The following XXYLT1 variants were observed in gnomAD, a reference collection of about 807,000 sequenced individuals.
XXYLT1 encodes xyloside xylosyltransferase 1, also known as UDP-xylose:alpha-xyloside alpha-1,3-xylosyltransferase.
In XXYLT1, 20 loss-of-function variants were observed where a neutral mutation model predicts 28.9. The observed-to-expected ratio is 0.69, with a 90% CI of 0.49 to 1.00. The LOEUF (loss-of-function observed/expected upper bound fraction) is 1.00. Among genes scored for constraint, XXYLT1 ranks in the 50% least tolerant of loss-of-function variants. The pLI is 0.00. For synonymous variants in XXYLT1, 257 were observed against 253.8 expected (o/e 1.01, Z -0.12); for missense variants, 542 against 560.1 (o/e 0.97, Z 0.33).
At chr3:195,244,761 CAAAAAAAAAAAA>C (rs869207427) in intron 1 of XXYLT1, among the ~76,000 whole-genome samples, 4 of 26,532 alleles carry the variant, frequency 1.5e-4, no homozygotes, top group South Asian at 1.5e-3. Flanking sequence ...GACTCTGTCT[CAAAAAAAAAAAA>C]AAAAAAAAAA....
intron 3 of XXYLT1, among the ~76,000 whole-genome samples, chr3:195,135,038 A>G (rs1413040115): frequency 2.6e-5 from 4 of 152,190 alleles, no homozygotes; most frequent in Non-Finnish European, 5.9e-5. Context: ...GGCAATGGGT[A>G]GAAACCACAG....
intron 1 of XXYLT1, among the ~76,000 whole-genome samples, chr3:195,238,176 G>C (rs539753347): frequency 6.6e-6 from 1 of 152,290 alleles, no homozygotes; most frequent in East Asian, 1.9e-4. Context: ...TGACTGGGCA[G>C]CACTGAACCA....
At chr3:195,117,093 A>G (rs2108607012) in intron 3 of XXYLT1, among the ~76,000 whole-genome samples, 1 of 136,350 alleles carries the variant, frequency 7.3e-6, no homozygotes, top group African/African-American at 2.8e-5. Context: ...ATCTGGAAAC[A>G]TCCTATATAT....
Position 195,133,348 on chromosome 3 carries a change from G to A in XXYLT1, c.785+23101C>T, listed in dbSNP as rs1046686810. Among the ~76,000 whole-genome samples the A allele has an allele frequency of 6.6e-6, 1 of 152,190 alleles. No homozygotes were observed. Among genetic ancestry groups the A allele is most frequent in the African/African-American group, 2.4e-5 (1 of 41,434 alleles). On this transcript the variant is annotated intron_variant, in intron 3 of 3. Coordinates refer to ENST00000310380, the MANE Select transcript of XXYLT1 (RefSeq NM_152531.5). The surrounding 1 kb of genome is among the most constrained non-coding windows in gnomAD (Gnocchi z 4.4). ...TGAGCCAGCCCTTGGGGTGGGGAGTGGGAGAGGGGGAAGAAGGGTGGGAAC... is the reference window on the plus strand; with the variant it reads ...TGAGCCAGCCCTTGGGGTGGGGAGTAGGAGAGGGGGAAGAAGGGTGGGAAC...
chr3:195,100,598 C>A (rs570757983), intron 3 of XXYLT1, among the ~76,000 whole-genome samples: 7 of 152,086 alleles, frequency 4.6e-5, no homozygotes, highest in Non-Finnish European at 5.9e-5. Context: ...GCACTCTCCC[C>A]GGCACTCTCC....
intron 2 of XXYLT1, among the ~76,000 whole-genome samples, chr3:195,198,155 T>C (rs1722707468): frequency 6.6e-6 from 1 of 152,142 alleles, no homozygotes; most frequent in African/African-American, 2.4e-5. Flanking sequence ...GTTATAAAAA[T>C]TAAGGTGCAT....
Position 195,069,997 on chromosome 3 carries a change from C to T in XXYLT1, c.900G>A (p.Met300Ile), listed in dbSNP as rs1385943103. The T allele has an allele frequency of 1.9e-6, 3 of 1,607,430 alleles. No individual in the cohort carries two copies. Among genetic ancestry groups the T allele is most frequent in the Non-Finnish European group, 2.5e-6 (3 of 1,179,812 alleles). The change falls in exon 4 of 4, where the codon ATG becomes ATA. Residue 300 changes from methionine to isoleucine, a missense_variant. Met to Ile is a conservative substitution (Grantham distance 10). Coordinates refer to ENST00000310380, the MANE Select transcript of XXYLT1 (RefSeq NM_152531.5). ...SGVMLLNLEAMRQSPLYSRLL... is the reference protein window; with the variant it reads ...SGVMLLNLEAIRQSPLYSRLL... Reference sequence around the variant, plus strand: ...GGCGGCTGTAGAGCGGGGACTGGCGCATGGCCTCCAGGTTCAGCAACATCA... The same window carrying T: ...GGCGGCTGTAGAGCGGGGACTGGCGTATGGCCTCCAGGTTCAGCAACATCA...
chr3:195,124,782 C>T lies in XXYLT1; in HGVS notation c.785+31667G>A, dbSNP rs1428444492. On this transcript the variant is annotated intron_variant, in intron 3 of 3. Coordinates refer to ENST00000310380, the MANE Select transcript of XXYLT1 (RefSeq NM_152531.5). This position sits in a 1 kb window ranked among gnomAD's most constrained non-coding sequence, Gnocchi z 4.1. ...ACACAGTCAGCCAGGTTCCAGGGAC[C>T]ACAACTCCCACTAGAGCCAAGCAGC... Among the ~76,000 whole-genome samples the T allele has an allele frequency of 6.6e-6, 1 of 152,138 alleles. No individual in the cohort carries two copies. Among genetic ancestry groups the T allele is most frequent in the African/African-American group, 2.4e-5 (1 of 41,424 alleles).
chr3:195,195,102 A>C lies in XXYLT1; in HGVS notation c.652+31607T>G, dbSNP rs895967078. On this transcript the variant is annotated intron_variant, in intron 2 of 3. Coordinates refer to ENST00000310380, the MANE Select transcript of XXYLT1 (RefSeq NM_152531.5). The surrounding 1 kb of genome is among the most constrained non-coding windows in gnomAD (Gnocchi z 4.4). ...GGTTTTTTTTTTAAAAGGACAATGT[A>C]CATAAAAATTCTCTTTAAACCATAA... Among the ~76,000 whole-genome samples the C allele has an allele frequency of 3.3e-5, 5 of 152,078 alleles. No homozygotes were observed. Among genetic ancestry groups the C allele is most frequent in the African/African-American group, 1.2e-4 (5 of 41,338 alleles).
intron 3 of XXYLT1, among the ~76,000 whole-genome samples, chr3:195,097,225 G>C (rs1716497219): frequency 3.9e-5 from 6 of 152,246 alleles, no homozygotes. Context: ...TGCTGAGTTG[G>C]TTTTGACATA....
intron 3 of XXYLT1, among the ~76,000 whole-genome samples, chr3:195,112,454 G>T (rs190343757): frequency 6.8e-6 from 1 of 146,706 alleles, no homozygotes; most frequent in Non-Finnish European, 1.5e-5. Flanking sequence ...ACACCCACAC[G>T]CATGTGCACA....
chr3:195,222,668 C>T lies in XXYLT1; in HGVS notation c.652+4041G>A, dbSNP rs1393937550. 2.6e-5 allele frequency among the ~76,000 whole-genome samples: 4 copies of T among 151,930 alleles called. No homozygotes were observed. In the East Asian group the frequency reaches 5.8e-4, roughly 22 times the overall value. ...GAGAACAGGGAAATGAGAAAGTGAACGGAGGTTCATCTACTCAATAAAACC... is the reference window on the plus strand; with the variant it reads ...GAGAACAGGGAAATGAGAAAGTGAATGGAGGTTCATCTACTCAATAAAACC... On this transcript the variant is annotated intron_variant, in intron 2 of 3. Transcript: ENST00000310380.
intron 3 of XXYLT1, among the ~76,000 whole-genome samples, chr3:195,156,216 C>T (rs1720581248): frequency 6.6e-6 from 1 of 152,226 alleles, no homozygotes; most frequent in African/African-American, 2.4e-5. Flanking sequence ...CTGGGCTTTT[C>T]AGAAGAAAAA....
intron 2 of XXYLT1, among the ~76,000 whole-genome samples, chr3:195,219,886 G>A (rs533291145): frequency 5.3e-5 from 8 of 152,178 alleles, no homozygotes; most frequent in South Asian, 2.1e-4. Context: ...AATGGCAAGC[G>A]TCACACTAGG....
At chr3:195,236,626 C>T (rs1257998539) in intron 1 of XXYLT1, among the ~76,000 whole-genome samples, 1 of 151,650 alleles carries the variant, frequency 6.6e-6, no homozygotes, top group Non-Finnish European at 1.5e-5. Context: ...ACACAGTCCC[C>T]TTTATTCTTC....
chr3:195,143,788 A>ATATATC lies in XXYLT1; in HGVS notation c.785+12660_785+12661insGATATA, dbSNP rs1348385584. Reference sequence around the variant, plus strand: ...AGCTAACCAAATGTTCTCTCATTATATATATATATATAGATAGATATATAT... The same window carrying ATATATC: ...AGCTAACCAAATGTTCTCTCATTATATATATCTATATATATATAGATAGATATATAT... On this transcript the variant is annotated intron_variant, in intron 3 of 3. Coordinates refer to ENST00000310380, the MANE Select transcript of XXYLT1 (RefSeq NM_152531.5). Among the ~76,000 whole-genome samples, 108 of 121,334 alleles carry ATATATC rather than the reference A, an allele frequency of 8.9e-4. 3 individuals carry two copies. Among genetic ancestry groups the ATATATC allele is most frequent in the African/African-American group, 3.4e-3 (105 of 30,888 alleles). 79.6% of individuals were successfully genotyped at this position (121,334 alleles called of 152,430 possible). A position where few individuals can be genotyped will look rare whatever the true frequency, so the allele number is the denominator to read the frequency against.
intron 2 of XXYLT1, among the ~76,000 whole-genome samples, chr3:195,171,527 C>G (rs1721405024): frequency 6.6e-6 from 1 of 152,220 alleles, no homozygotes. Context: ...CCTATGGAAA[C>G]TAAGACATTT....
intron 2 of XXYLT1, chr3:195,184,611 T>G (rs1402797480): frequency 2.0e-6 from 2 of 985,130 alleles, no homozygotes; most frequent in African/African-American, 3.5e-5. Flanking sequence ...AACATTTAAG[T>G]CTCCCTGATT....
At chr3:195,179,874 T>C (rs1398005048) in intron 2 of XXYLT1, among the ~76,000 whole-genome samples, 4 of 152,228 alleles carry the variant, frequency 2.6e-5, no homozygotes, top group African/African-American at 9.6e-5. Context: ...CCAGGAAACC[T>C]GCCCTGCGTC....
Sources: gnomAD v4.1 joint callset for allele counts (sites outside exome capture counted in the v4.1 genomes callset) on GRCh38, gnomAD v4.1.1 for gene constraint, Gnocchi (gnomAD v3.1) non-coding constraint, MANE v1.5 for transcripts, NCBI Gene and HGNC (gene_info 2026-07-23, HGNC 2026-07-21) for gene names.